Variants in KCNIP4 observed in about 807,000 individuals in gnomAD.
KCNIP4 encodes potassium voltage-gated channel interacting protein 4.
Under a neutral mutation model 34.0 loss-of-function variants are expected in KCNIP4, and 12 were observed. The ratio of observed to expected loss-of-function variants is 0.35; its 90% CI spans 0.23 to 0.57. KCNIP4 has a LOEUF of 0.57. KCNIP4 is among the 20% of genes least tolerant of loss of function. The pLI, the probability that KCNIP4 is intolerant of heterozygous loss-of-function variation, is 0.83. For synonymous variants in KCNIP4, 124 were observed against 102.2 expected, an observed-to-expected ratio of 1.21 and a Z score of -1.29; for missense variants, 238 against 311.7, an observed-to-expected ratio of 0.76 and a Z score of 1.78.
chr4:21,552,978 A>C, intron 1 of KCNIP4, among the ~76,000 whole-genome samples: 1 of 152,096 alleles, frequency 6.6e-6, no homozygotes, highest in East Asian at 1.9e-4. Context: ...CAGAAGAGAA[A>C]GCAGCAAAAA....
chr4:20,806,992 C>T (rs778755237), intron 3 of KCNIP4, among the ~76,000 whole-genome samples: 13 of 152,060 alleles, frequency 8.5e-5, no homozygotes, highest in Non-Finnish European at 1.9e-4. Context: ...AATGAAATTG[C>T]CCTTCATAAG....
intron 1 of KCNIP4, among the ~76,000 whole-genome samples, chr4:21,254,027 A>G (rs1425333): frequency 0.26 from 38,986 of 152,156 alleles, 9,728 homozygotes; most frequent in African/African-American, 0.65. Context: ...CAGATTTGTG[A>G]TTGCCAGGGG....
At chr4:20,980,621 G>T (rs940364458) in intron 1 of KCNIP4, among the ~76,000 whole-genome samples, 3 of 151,758 alleles carry the variant, frequency 2.0e-5, no homozygotes, top group African/African-American at 7.3e-5. Flanking sequence ...CATTAATATG[G>T]GCCCTCTCAT....
chr4:21,159,314 AT>A (rs1753403960), intron 1 of KCNIP4, among the ~76,000 whole-genome samples: 2 of 152,230 alleles, frequency 1.3e-5, no homozygotes, highest in South Asian at 4.1e-4. Context: ...TAGAATATTG[AT>A]TTTTAATAAT....
intron 1 of KCNIP4, among the ~76,000 whole-genome samples, chr4:20,997,538 C>T (rs549607663): frequency 2.6e-4 from 40 of 152,198 alleles, no homozygotes; most frequent in African/African-American, 8.7e-4. Context: ...CTCATTAACA[C>T]GAAGAAAGAA....
intron 1 of KCNIP4, among the ~76,000 whole-genome samples, chr4:20,890,969 CAT>C (rs1414400691): frequency 6.6e-6 from 1 of 152,170 alleles, no homozygotes; most frequent in East Asian, 1.9e-4. Flanking sequence ...AATGCCATCA[CAT>C]GTCAGTGTCA....
chr4:20,916,985 T>G (rs1296021871), intron 1 of KCNIP4, among the ~76,000 whole-genome samples: 1 of 41,388 alleles, frequency 2.4e-5, no homozygotes, highest in African/African-American at 1.3e-4. Context: ...CATCTTATGT[T>G]TATATATATA....
intron 1 of KCNIP4, among the ~76,000 whole-genome samples, chr4:20,981,561 C>G (rs371312466): frequency 1.2e-4 from 19 of 152,198 alleles, no homozygotes; most frequent in African/African-American, 4.1e-4. Flanking sequence ...GGTTTTGATC[C>G]TGCTTCTGCT....
At chr4:21,259,160 C>G (rs1430230649) in intron 1 of KCNIP4, among the ~76,000 whole-genome samples, 1 of 152,170 alleles carries the variant, frequency 6.6e-6, no homozygotes, top group Non-Finnish European at 1.5e-5. Context: ...ATGGCATTCA[C>G]CACTTTTCCA....
At chr4:21,317,738 G>C (rs1560285003) in intron 1 of KCNIP4, among the ~76,000 whole-genome samples, 1 of 152,144 alleles carries the variant, frequency 6.6e-6, no homozygotes, top group East Asian at 1.9e-4. Flanking sequence ...TTGTGGGAGG[G>C]ACCCGGTGGG....
chr4:21,726,608 T>C (rs1018924655), intron 1 of KCNIP4, among the ~76,000 whole-genome samples: 1 of 152,178 alleles, frequency 6.6e-6, no homozygotes, highest in African/African-American at 2.4e-5. Flanking sequence ...TGCTAAGACC[T>C]TAAGATTAGA....
intron 1 of KCNIP4, chr4:21,843,613 C>T (rs1439872623): frequency 6.6e-6 from 1 of 151,974 alleles, no homozygotes; most frequent in African/African-American, 2.4e-5. Flanking sequence ...AGAATCTGAA[C>T]CAACTGGCCC....
intron 1 of KCNIP4, among the ~76,000 whole-genome samples, chr4:21,360,142 T>G (rs545893654): frequency 4.6e-5 from 7 of 152,240 alleles, no homozygotes; most frequent in African/African-American, 1.4e-4. Context: ...ATATCTAATC[T>G]CTTACTGATT....
At chr4:21,870,179 G>A (rs1725702719) in intron 1 of KCNIP4, among the ~76,000 whole-genome samples, 1 of 152,088 alleles carries the variant, frequency 6.6e-6, no homozygotes, top group African/African-American at 2.4e-5. Flanking sequence ...GAGTTTGCAA[G>A]GTAAACTCTT....
chr4:21,123,028 G>A (rs1261504264), intron 1 of KCNIP4, among the ~76,000 whole-genome samples: 2 of 151,786 alleles, frequency 1.3e-5, no homozygotes, highest in Admixed American at 6.6e-5. Context: ...GGCTAACATG[G>A]TGAAACCCCA....
intron 1 of KCNIP4, among the ~76,000 whole-genome samples, chr4:21,002,834 A>C (rs1738256412): frequency 6.6e-6 from 1 of 152,204 alleles, no homozygotes; most frequent in South Asian, 2.1e-4. Context: ...TTATTCTGAG[A>C]TAAGTCCTTT....
intron 1 of KCNIP4, among the ~76,000 whole-genome samples, chr4:21,033,153 T>C (rs1435548384): frequency 1.3e-5 from 2 of 152,212 alleles, no homozygotes; most frequent in Non-Finnish European, 2.9e-5. Context: ...TCTTGAATTA[T>C]GTTAATCTTA....
chr4:21,732,230 T>C (rs1360129898), intron 1 of KCNIP4, among the ~76,000 whole-genome samples: 7 of 152,074 alleles, frequency 4.6e-5, no homozygotes, highest in Admixed American at 1.3e-4. Flanking sequence ...ATAAATTATA[T>C]TAGATTATGC....
intron 2 of KCNIP4, among the ~76,000 whole-genome samples, chr4:20,875,956 C>T (rs913501773): frequency 6.6e-6 from 1 of 152,136 alleles, no homozygotes; most frequent in Admixed American, 6.6e-5. Context: ...TTATGTTTTG[C>T]AGTTATGCAA....
Sources: gnomAD v4.1 joint callset for allele counts (sites outside exome capture counted in the v4.1 genomes callset) on GRCh38, gnomAD v4.1.1 for gene constraint, MANE v1.5 for transcripts, NCBI Gene and HGNC (gene_info 2026-07-23, HGNC 2026-07-21) for gene names.